LILRB3: variants seen among roughly 807,000 people sequenced by gnomAD.
LILRB3 encodes leukocyte immunoglobulin-like receptor subfamily B member 3.
LILRB3 carries 32 observed loss-of-function variants against 68.2 expected under a neutral mutation model. That is an observed-to-expected ratio of 0.47 (90% CI 0.35 to 0.63). The LOEUF (loss-of-function observed/expected upper bound fraction) is 0.63. Among genes scored for constraint, LILRB3 ranks in the 30% least tolerant of loss-of-function variants. LILRB3 has a pLI of 0.00. For missense variants in LILRB3, 502 were observed against 791.3 expected (o/e 0.63, Z 4.39); for synonymous variants, 185 against 323.1 (o/e 0.57, Z 4.58).
chr19:54,217,734 C>T lies in LILRB3; in HGVS notation c.1594-260G>A, dbSNP rs911102342. On this transcript the variant is annotated intron_variant, in intron 11 of 12. Transcript: ENST00000445347. Reference sequence around the variant, plus strand: ...CTGCTGCCTGGGGGCCTTTGCACGGCTGTTTCCTCTGCCTGCAGGGGCTCG... The same window carrying T: ...CTGCTGCCTGGGGGCCTTTGCACGGTTGTTTCCTCTGCCTGCAGGGGCTCG... The T allele has an allele frequency of 3.0e-5, 20 of 656,672 alleles. 1 individual carries two copies. Among genetic ancestry groups the T allele is most frequent in the South Asian group, 1.4e-4 (7 of 50,580 alleles). 40.7% of individuals were successfully genotyped at this position (656,672 alleles called of 1,614,324 possible). A position where few individuals can be genotyped will look rare whatever the true frequency, so the allele number is the denominator to read the frequency against.
In LILRB3 at chr19:54,218,342, G is replaced by T. The variant is rs2077697014; in HGVS notation, c.1593+19C>A. 1.2e-6 allele frequency: 2 copies of T among 1,613,824 alleles called. No homozygotes were observed. The highest frequency in any genetic ancestry group is 2.7e-5 in the African/African-American group (2 of 75,028). On this transcript the variant is annotated intron_variant, in intron 11 of 12. Coordinates refer to ENST00000445347, the Ensembl canonical transcript of LILRB3. Reference sequence around the variant, plus strand: ...GGCACCAGGAGGCCTTTGGTGCCTGGGACGGGGCGGGATCTCACCTGACTG... The same window carrying T: ...GGCACCAGGAGGCCTTTGGTGCCTGTGACGGGGCGGGATCTCACCTGACTG...
chr19:54,216,877 T>C, exon 13 of LILRB3: 1 of 1,429,774 alleles, frequency 7.0e-7, no homozygotes, highest in Non-Finnish European at 9.1e-7. Context: ...TATTAACTCA[T>C]TGATTGTTGA....
exon 13 of LILRB3, chr19:54,216,881 T>C (rs1335301425): frequency 2.8e-6 from 4 of 1,430,016 alleles, no homozygotes; most frequent in African/African-American, 1.4e-5. Flanking sequence ...AACTCATTGA[T>C]TGTTGAGAAG....
chr19:54,219,061 G>A (rs2077788084), intron 8 of LILRB3, 68 bp downstream of exon 8: 1 of 1,539,628 alleles, frequency 6.5e-7, no homozygotes, highest in Non-Finnish European at 8.7e-7. Context: ...TGTGTGTTTG[G>A]GTTCCCTCTG....
chr19:54,218,936 G>T, intron 8 of LILRB3, 98 bp from the exon 9 acceptor site: 1 of 1,572,032 alleles, frequency 6.4e-7, no homozygotes, highest in Non-Finnish European at 8.7e-7. Context: ...AAATATTCCT[G>T]CATGGATGTT....
chr19:54,219,166 G>A (rs1210799202), exon 8 of LILRB3: 11 of 1,607,424 alleles, frequency 6.8e-6, no homozygotes, highest in Non-Finnish European at 8.5e-6. Context: ...GACGGAGGAG[G>A]AGGAGGAAGA....
At chr19:54,218,469 G>A in intron 10 of LILRB3, 56 bp from the exon 11 acceptor site, 1 of 1,611,030 alleles carries the variant, frequency 6.2e-7, no homozygotes. Flanking sequence ...TCTCAGTCCT[G>A]CTGGCCCCCT....
At chr19:54,222,834 C>T (rs750769048) in intron 1 of LILRB3, 52 bp from the exon 2 acceptor site, 46 of 1,612,574 alleles carry the variant, frequency 2.9e-5, no homozygotes, top group African/African-American at 9.5e-5. Context: ...AGCAGGTCCC[C>T]GCCCGGGTGC....
At chr19:54,216,529 C>G in exon 13 of LILRB3, 1 of 620,240 alleles carries the variant, frequency 1.6e-6, no homozygotes, top group Admixed American at 5.8e-5. Flanking sequence ...CCAGGATGGT[C>G]TCGATCTCCT....
chr19:54,218,595 G>T (rs199672181), intron 10 of LILRB3, 50 bp downstream of exon 10: 2 of 1,613,592 alleles, frequency 1.2e-6, no homozygotes, highest in East Asian at 4.5e-5. Flanking sequence ...CTGAAATTTT[G>T]GGACTCCTGT....
intron 7 of LILRB3, chr19:54,219,508 C>A (rs1379057755): frequency 6.4e-7 from 1 of 1,550,422 alleles, no homozygotes; most frequent in Admixed American, 2.0e-5. Context: ...TGTTCCTGCA[C>A]CAGAGCCGAG....
intron 11 of LILRB3, 135 bp from the exon 12 acceptor site, chr19:54,217,609 G>T: frequency 8.1e-7 from 1 of 1,232,166 alleles, no homozygotes; most frequent in South Asian, 1.5e-5. Context: ...CTAAGGCCGT[G>T]GAGGGTCTGG....
At chr19:54,219,862 C>T in intron 7 of LILRB3, 1 of 1,549,074 alleles carries the variant, frequency 6.5e-7, no homozygotes. Flanking sequence ...CAGAGCCCCT[C>T]ACTCACCATT....
chr19:54,217,220 G>A, exon 13 of LILRB3: 1 of 1,612,842 alleles, frequency 6.2e-7, no homozygotes, highest in Non-Finnish European at 8.5e-7. Flanking sequence ...CACATCCTGG[G>A]AGGCTTCAGA....
exon 13 of LILRB3, chr19:54,217,125 G>A (rs1363373063): frequency 1.9e-6 from 3 of 1,614,078 alleles, no homozygotes; most frequent in South Asian, 2.2e-5. Flanking sequence ...TAGATGCTGG[G>A]CTCAGCTGGA....
intron 11 of LILRB3, 43 bp from the exon 12 acceptor site, chr19:54,217,517 C>T (rs769993020): frequency 6.3e-7 from 1 of 1,577,218 alleles, no homozygotes; most frequent in African/African-American, 1.4e-5. Flanking sequence ...TTGAGTCCCC[C>T]TGACCTCCTG....
exon 6 of LILRB3, chr19:54,220,812 A>C: frequency 6.8e-7 from 1 of 1,461,750 alleles, no homozygotes; most frequent in Non-Finnish European, 9.1e-7. Flanking sequence ...TGACAGGGAG[A>C]CGGTGTCATA....
exon 3 of LILRB3, chr19:54,222,463 T>G (rs1193706225): frequency 6.2e-7 from 1 of 1,602,822 alleles, no homozygotes. Flanking sequence ...CAGTTGGTAC[T>G]CCTGGGCCTC....
chr19:54,219,657 C>T, intron 7 of LILRB3: 1 of 1,482,872 alleles, frequency 6.7e-7, no homozygotes. Flanking sequence ...CCCTGGGAGG[C>T]CTCCTCTCCC....
Sources: gnomAD v4.1 joint callset for allele counts on GRCh38, gnomAD v4.1.1 for gene constraint, MANE v1.5 for transcripts, NCBI Gene and HGNC (gene_info 2026-07-23, HGNC 2026-07-21) for gene names.